The following WFDC8 variants were observed in gnomAD, a reference collection of about 807,000 sequenced individuals.
WFDC8 encodes the protein WAP four-disulfide core domain 8.
WFDC8 carries 24 observed loss-of-function variants against 27.0 expected under a neutral mutation model. The ratio of observed to expected loss-of-function variants is 0.89; its 90% CI spans 0.64 to 1.25. WFDC8 has a LOEUF of 1.25. Ranked by LOEUF, WFDC8 falls within the 50% of genes most tolerant of loss-of-function variation. WFDC8 has a pLI of 0.00. For missense variants in WFDC8, 287 were observed against 295.9 expected (o/e 0.97, Z 0.22); for synonymous variants, 106 against 99.7 (o/e 1.06, Z -0.38).
intron 1 of WFDC8, 34 bp from the exon 2 acceptor site, chr20:45,562,253 A>G: frequency 6.4e-7 from 1 of 1,569,358 alleles, no homozygotes; most frequent in Non-Finnish European, 8.8e-7. Flanking sequence ...GGAGTTAAGC[A>G]CAATCCAGAG....
chr20:45,568,176 A>T (rs1980746621), intron 1 of WFDC8: 2 of 295,496 alleles, frequency 6.8e-6, no homozygotes, highest in Admixed American at 7.2e-5. Flanking sequence ...GTCCACAGAA[A>T]ATTTGGAGTT....
chr20:45,567,642 G>T (rs1400812148), intron 1 of WFDC8, among the ~76,000 whole-genome samples: 1 of 152,036 alleles, frequency 6.6e-6, no homozygotes, highest in Non-Finnish European at 1.5e-5. Flanking sequence ...TAGAGACAAA[G>T]GAACCAGACT....
chr20:45,567,282 G>T (rs535314749), intron 1 of WFDC8, among the ~76,000 whole-genome samples: 17 of 151,964 alleles, frequency 1.1e-4, no homozygotes, highest in African/African-American at 4.1e-4. Context: ...TTACTATGAG[G>T]GTAAATACAT....
At chr20:45,553,359 C>G in intron 4 of WFDC8, 83 bp from the exon 5 acceptor site, 2 of 1,502,388 alleles carry the variant, frequency 1.3e-6, no homozygotes, top group Non-Finnish European at 1.8e-6. Flanking sequence ...CTCTTCAAAG[C>G]TAGTATCCCT....
intron 5 of WFDC8, 74 bp from the exon 6 acceptor site, chr20:45,552,239 G>T: frequency 1.9e-6 from 3 of 1,567,928 alleles, no homozygotes; most frequent in Non-Finnish European, 2.6e-6. Context: ...AGGAATCTTG[G>T]GAATCTCAAA....
chr20:45,565,841 G>A (rs1016758099), intron 1 of WFDC8, among the ~76,000 whole-genome samples: 1 of 152,170 alleles, frequency 6.6e-6, no homozygotes, highest in African/African-American at 2.4e-5. Flanking sequence ...GGAGAAATGA[G>A]TTTGACTGAT....
chr20:45,565,856 C>T (rs1489691624), intron 1 of WFDC8, among the ~76,000 whole-genome samples: 1 of 152,110 alleles, frequency 6.6e-6, no homozygotes, highest in Non-Finnish European at 1.5e-5. Context: ...ACTGATTTGG[C>T]TGATGGAGGA....
Position 45,559,061 on chromosome 20 carries a change from T to G in WFDC8, c.137-69A>C. 3.8e-6 allele frequency: 6 copies of G among 1,590,126 alleles called. No homozygotes were observed. The South Asian group carries it at 5.7e-5, about 15-fold the overall frequency. Reference sequence around the variant, plus strand: ...AGCTCTTTTTCTCCTATGGCAAAGGTGTGTAGTGAAATTCTCTCAGCCCTA... The same window carrying G: ...AGCTCTTTTTCTCCTATGGCAAAGGGGTGTAGTGAAATTCTCTCAGCCCTA... On this transcript the variant is annotated intron_variant, in intron 2 of 5. Transcript: ENST00000289953.
At position 45,552,015 on chromosome 20, in the gene WFDC8, C is replaced by G; in HGVS notation, c.*11G>C. 1 of 1,612,568 alleles carries G rather than the reference C, an allele frequency of 6.2e-7. No individual in the cohort carries two copies. The highest frequency in any genetic ancestry group is 8.5e-7 in the Non-Finnish European group (1 of 1,179,378). The stretch of plus-strand genomic sequence containing the variant: ...TTAATGATTTTGATGATAATATTTT[C>G]TACTTACTATTCAACGTCTGGGGTC... On this transcript the variant is annotated 3_prime_UTR_variant, in exon 6 of 6. Transcript: ENST00000289953.
At position 45,576,826 on chromosome 20, in the gene WFDC8, G is replaced by A. The variant is rs575053970; in HGVS notation, c.26+2396C>T. Among the ~76,000 whole-genome samples the A allele has an allele frequency of 3.3e-3, 504 of 151,352 alleles. 12 individuals are homozygous for A. The highest frequency in any genetic ancestry group is 0.011 in the African/African-American group (475 of 41,404). The stretch of plus-strand genomic sequence containing the variant: ...ATGTTTTAAGTTTATCCTTCAAATC[G>A]TGTAAATCTACATTGTAAAAATCCA... On this transcript the variant is annotated intron_variant, in intron 1 of 5. Coordinates refer to ENST00000289953, the MANE Select transcript of WFDC8 (RefSeq NM_130896.3).
chr20:45,554,993 G>T (rs996121865), intron 4 of WFDC8, among the ~76,000 whole-genome samples: 1 of 152,096 alleles, frequency 6.6e-6, no homozygotes, highest in South Asian at 2.1e-4. Context: ...AATTGTTACC[G>T]TTTAGTGAGC....
chr20:45,556,293 TCTTG>T (rs977509202), intron 3 of WFDC8, among the ~76,000 whole-genome samples: 5 of 152,262 alleles, frequency 3.3e-5, no homozygotes, highest in Non-Finnish European at 7.3e-5. Context: ...AATGCACATT[TCTTG>T]CTTCCTGTAC....
At chr20:45,577,046 G>A (rs1357289517) in intron 1 of WFDC8, among the ~76,000 whole-genome samples, 1 of 151,232 alleles carries the variant, frequency 6.6e-6, no homozygotes, top group Non-Finnish European at 1.5e-5. Flanking sequence ...GGTCATTCAG[G>A]GATATGTGCA....
chr20:45,564,882 GGAGAA>G (rs1443477817), intron 1 of WFDC8, among the ~76,000 whole-genome samples: 34 of 56,558 alleles, frequency 6.0e-4, no homozygotes, highest in Admixed American at 4.4e-3. Context: ...GGAGAGGAGA[GGAGAA>G]GAGAATAGGG....
intron 2 of WFDC8, chr20:45,559,753 G>GA (rs1002201515): frequency 2.0e-5 from 3 of 151,950 alleles, no homozygotes; most frequent in African/African-American, 7.3e-5. Flanking sequence ...GAGGCAAGGG[G>GA]AAAAAAACTA....
chr20:45,552,222 A>G (rs1980060348), intron 5 of WFDC8, 57 bp from the exon 6 acceptor site: 8 of 1,595,148 alleles, frequency 5.0e-6, no homozygotes, highest in South Asian at 1.1e-5. Flanking sequence ...AATTTGAGAC[A>G]AATTTGAGGA....
intron 1 of WFDC8, among the ~76,000 whole-genome samples, chr20:45,570,262 T>G (rs1474031905): frequency 6.6e-6 from 1 of 152,100 alleles, no homozygotes; most frequent in Non-Finnish European, 1.5e-5. Context: ...ACTGAAAGTC[T>G]GGGGGGTAAG....
intron 1 of WFDC8, among the ~76,000 whole-genome samples, chr20:45,564,772 G>A (rs560500649): frequency 6.6e-6 from 1 of 151,778 alleles, no homozygotes; most frequent in Admixed American, 6.6e-5. Context: ...AGCCCAGGAA[G>A]TCAGTGTTTC....
At chr20:45,578,843 G>T (rs2145581404) in intron 1 of WFDC8, among the ~76,000 whole-genome samples, 1 of 151,994 alleles carries the variant, frequency 6.6e-6, no homozygotes, top group East Asian at 1.9e-4. Context: ...CTCCACACTG[G>T]GCCACTCAAA....
Sources: gnomAD v4.1 joint callset for allele counts (sites outside exome capture counted in the v4.1 genomes callset) on GRCh38, gnomAD v4.1.1 for gene constraint, MANE v1.5 for transcripts, NCBI Gene and HGNC (gene_info 2026-07-23, HGNC 2026-07-21) for gene names.